The following INTU variants were observed in gnomAD, a reference collection of about 807,000 sequenced individuals.
The protein encoded by INTU is inturned planar cell polarity protein.
In INTU, 68 loss-of-function variants were observed where a neutral mutation model predicts 100.5. The ratio of observed to expected loss-of-function variants is 0.68; its 90% CI spans 0.56 to 0.83. The LOEUF (loss-of-function observed/expected upper bound fraction) is 0.83, where lower values mean the gene tolerates loss of function less well. Ranked by LOEUF, INTU falls within the 40% of genes least tolerant of loss-of-function variation. The probability of loss-of-function intolerance (pLI) is 0.00; values close to 1 mark genes in which losing one functional copy is unlikely to be tolerated. For missense variants in INTU, 1,071 were observed against 1,114.7 expected (o/e 0.96, Z 0.56); for synonymous variants, 357 against 395.7 (o/e 0.90, Z 1.16).
rs533312650 is a variant in INTU, at chr4:127,710,873, A to C, written c.2370-40A>C. On this transcript the variant is annotated intron_variant, in intron 13 of 15. Coordinates refer to ENST00000335251, the MANE Select transcript of INTU (RefSeq NM_015693.4). Reference sequence around the variant, plus strand: ...GAACCAATATTTTAAAATTTACTAAAATTTCTTTTTTCTTCTCTTTGATTT... The same window carrying C: ...GAACCAATATTTTAAAATTTACTAACATTTCTTTTTTCTTCTCTTTGATTT... 3.8e-6 allele frequency: 5 copies of C among 1,321,438 alleles called. No homozygotes were observed. In the African/African-American group the frequency reaches 5.9e-5, roughly 16 times the overall value. 81.9% of individuals were successfully genotyped at this position (1,321,438 alleles called of 1,614,324 possible). A position where few individuals can be genotyped will look rare whatever the true frequency, so the allele number is the denominator to read the frequency against.
At chr4:127,655,934 T>G (rs1298579668) in intron 2 of INTU, among the ~76,000 whole-genome samples, 4 of 130,752 alleles carry the variant, frequency 3.1e-5, no homozygotes, top group Non-Finnish European at 6.9e-5. Flanking sequence ...GGTGCGCCGT[T>G]TTTTAAACCG....
chr4:127,709,583 T>C (rs972544199), intron 13 of INTU, among the ~76,000 whole-genome samples: 1 of 152,216 alleles, frequency 6.6e-6, no homozygotes, highest in African/African-American at 2.4e-5. Flanking sequence ...TGTGCACTTA[T>C]GTGGTGACAC....
chr4:127,710,312 C>T (rs1396251245), intron 13 of INTU, among the ~76,000 whole-genome samples: 2 of 151,850 alleles, frequency 1.3e-5, no homozygotes, highest in Non-Finnish European at 2.9e-5. Flanking sequence ...ATTATCCTAA[C>T]CTTTTATGCA....
intron 8 of INTU, among the ~76,000 whole-genome samples, chr4:127,695,348 G>A (rs1463125633): frequency 1.3e-5 from 2 of 152,198 alleles, no homozygotes; most frequent in Admixed American, 6.5e-5. Context: ...GCTTATGCCT[G>A]TAATCCCAGC....
At chr4:127,685,450 A>G (rs1729780550) in intron 7 of INTU, 1 of 455,872 alleles carries the variant, frequency 2.2e-6, no homozygotes. Context: ...AGTATCATGA[A>G]GGAATTTTCT....
chr4:127,669,563 C>T (rs1478198497), intron 5 of INTU, among the ~76,000 whole-genome samples: 1 of 151,742 alleles, frequency 6.6e-6, no homozygotes, highest in Non-Finnish European at 1.5e-5. Flanking sequence ...ACTTCCTAGG[C>T]AATACCTTTG....
chr4:127,651,226 G>C lies in INTU; in HGVS notation c.683-5410G>C, dbSNP rs540003895. Among the ~76,000 whole-genome samples, 286 of 152,196 alleles carry C rather than the reference G, an allele frequency of 1.9e-3. 1 individual carries two copies. The highest frequency in any genetic ancestry group is 6.6e-3 in the African/African-American group (275 of 41,530). ...GTGCAGAAGCTCTTTAGTTTAATTAGATCCCATTTGTCAATTTTGTCTTTT... is the reference window on the plus strand; with the variant it reads ...GTGCAGAAGCTCTTTAGTTTAATTACATCCCATTTGTCAATTTTGTCTTTT... On this transcript the variant is annotated intron_variant, in intron 2 of 15. Coordinates refer to ENST00000335251, the MANE Select transcript of INTU (RefSeq NM_015693.4).
intron 2 of INTU, among the ~76,000 whole-genome samples, chr4:127,655,383 A>G (rs1256230731): frequency 6.6e-6 from 1 of 150,832 alleles, no homozygotes; most frequent in East Asian, 1.9e-4. Flanking sequence ...GATGATGGTG[A>G]TGTACAGATG....
At chr4:127,707,392 CAAAAAAAAAAAA>C (rs71587331) in intron 12 of INTU, among the ~76,000 whole-genome samples, 3 of 44,592 alleles carry the variant, frequency 6.7e-5, no homozygotes, top group East Asian at 8.5e-4. Flanking sequence ...GACTCTGTCT[CAAAAAAAAAAAA>C]AAAAAAAAAA....
chr4:127,680,248 A>G (rs1032092842), intron 6 of INTU, among the ~76,000 whole-genome samples: 4 of 152,072 alleles, frequency 2.6e-5, no homozygotes, highest in Non-Finnish European at 4.4e-5. Flanking sequence ...TCCCTAACTC[A>G]TTTTATGAGG....
chr4:127,708,508 A>G (rs1730975813), intron 12 of INTU, 63 bp from the exon 13 acceptor site: 4 of 835,614 alleles, frequency 4.8e-6, no homozygotes, highest in Non-Finnish European at 5.8e-6. Flanking sequence ...TAATTTTTAA[A>G]TTGTTTCTGC....
chr4:127,645,385 C>T (rs1391254719), intron 2 of INTU, among the ~76,000 whole-genome samples: 1 of 151,994 alleles, frequency 6.6e-6, no homozygotes, highest in Non-Finnish European at 1.5e-5. Flanking sequence ...CAACTGAAGC[C>T]CTCGCCACCA....
intron 6 of INTU, among the ~76,000 whole-genome samples, chr4:127,677,195 C>T (rs1452427174): frequency 1.3e-5 from 2 of 152,152 alleles, no homozygotes; most frequent in Admixed American, 6.5e-5. Flanking sequence ...AAAAAGACAG[C>T]AGTAACCTCT....
intron 13 of INTU, among the ~76,000 whole-genome samples, chr4:127,710,640 A>T (rs1252210541): frequency 2.6e-5 from 4 of 152,326 alleles, no homozygotes; most frequent in Middle Eastern, 3.4e-3. Context: ...CAAAGGAATG[A>T]TTAAGTTACT....
intron 13 of INTU, among the ~76,000 whole-genome samples, chr4:127,710,698 G>A (rs1393597072): frequency 6.6e-6 from 1 of 152,118 alleles, no homozygotes; most frequent in Non-Finnish European, 1.5e-5. Flanking sequence ...TGTAGTATTT[G>A]CCTCCATTAA....
At position 127,680,098 on chromosome 4, in the gene INTU, G is replaced by T. The variant is rs918458479; in HGVS notation, c.1182-4311G>T. Among the ~76,000 whole-genome samples the T allele has an allele frequency of 6.6e-4, 101 of 152,180 alleles. 1 individual carries two copies. Among genetic ancestry groups the T allele is most frequent in the Middle Eastern group, 6.8e-3 (2 of 294 alleles). On this transcript the variant is annotated intron_variant, in intron 6 of 15. Coordinates refer to ENST00000335251, the MANE Select transcript of INTU (RefSeq NM_015693.4). ...ATAGAACAATAACAGAATCTGAAAT[G>T]GTGGCAATAATCAATAGCTTACCAA...
intron 8 of INTU, among the ~76,000 whole-genome samples, chr4:127,694,826 G>A (rs1029784669): frequency 2.6e-5 from 4 of 152,162 alleles, no homozygotes; most frequent in Admixed American, 1.3e-4. Context: ...CAGTATTTAT[G>A]TGAGTATATT....
intron 3 of INTU, among the ~76,000 whole-genome samples, chr4:127,660,963 C>T (rs1728451009): frequency 6.6e-6 from 1 of 152,172 alleles, no homozygotes; most frequent in South Asian, 2.1e-4. Flanking sequence ...TTATCTGTCT[C>T]ACCCTTTACC....
intron 2 of INTU, among the ~76,000 whole-genome samples, chr4:127,651,500 C>G (rs1013416939): frequency 1.6e-4 from 25 of 152,174 alleles, no homozygotes; most frequent in African/African-American, 5.3e-4. Flanking sequence ...GCTTGTTTTT[C>G]TCAGGTTTGT....
Sources: allele counts gnomAD v4.1 joint callset (sites outside exome capture counted in the v4.1 genomes callset), GRCh38; gene constraint gnomAD v4.1.1; transcripts MANE v1.5; gene names NCBI Gene and HGNC (gene_info 2026-07-23, HGNC 2026-07-21).